The following CACNA1A variants were observed in gnomAD, a reference collection of about 807,000 sequenced individuals.
CACNA1A encodes the protein voltage-dependent P/Q-type calcium channel subunit alpha-1A.
A neutral mutation model predicts 262.4 loss-of-function variants in CACNA1A; 57 were observed. That is an observed-to-expected ratio of 0.22 (90% CI 0.18 to 0.27). CACNA1A has a LOEUF of 0.27. Among genes scored for constraint, CACNA1A ranks in the 10% least tolerant of loss-of-function variants. The pLI is 1.00. For synonymous variants in CACNA1A, 1,431 were observed against 1,419.3 expected (o/e 1.01, Z -0.18); for missense variants, 2,526 against 3,562.8 (o/e 0.71, Z 7.41).
intron 3 of CACNA1A, among the ~76,000 whole-genome samples, chr19:13,409,447 G>T (rs77992431): frequency 6.6e-6 from 1 of 151,946 alleles, no homozygotes; most frequent in Non-Finnish European, 1.5e-5. Flanking sequence ...AAATACGCCA[G>T]GCACTTAGCC....
Position 13,303,882 on chromosome 19 carries a change from G to A in CACNA1A, c.1989C>T (p.Ile663=), listed in dbSNP as rs764413479. Residue 663 remains isoleucine, a splice_region_variant and synonymous_variant, in exon 16 of 47, where the codon ATC becomes ATT. Transcript: ENST00000360228. ...CCTCGTTCCAGTCTTCGCCCGTCAG[G>A]ATCTGAAAGGGGAGGAAGAAACACA... The part of the protein sequence containing the change: ...FPAAIMTVFQ[I]LTGEDWNEVM... 1.6e-5 allele frequency: 25 copies of A among 1,607,268 alleles called. No homozygotes were observed. Among genetic ancestry groups the A allele is most frequent in the Non-Finnish European group, 2.0e-5 (24 of 1,174,642 alleles).
At chr19:13,445,626 G>A (rs912163385) in intron 3 of CACNA1A, among the ~76,000 whole-genome samples, 3 of 152,172 alleles carry the variant, frequency 2.0e-5, no homozygotes, top group African/African-American at 4.8e-5. Flanking sequence ...TAACATGCAC[G>A]ATTTGTGTTA....
intron 6 of CACNA1A, among the ~76,000 whole-genome samples, chr19:13,354,294 G>A (rs2058966559): frequency 6.6e-6 from 1 of 152,218 alleles, no homozygotes; most frequent in African/African-American, 2.4e-5. Flanking sequence ...GGTAAATGGA[G>A]TTGGCTGGCA....
intron 3 of CACNA1A, among the ~76,000 whole-genome samples, chr19:13,395,201 G>C (rs1197823730): frequency 6.9e-6 from 1 of 145,380 alleles, no homozygotes; most frequent in Non-Finnish European, 1.5e-5. Context: ...TTGAACCCAG[G>C]AGGCAGAGGC....
chr19:13,313,247 A>G (rs1029363844), intron 11 of CACNA1A, among the ~76,000 whole-genome samples: 1 of 152,052 alleles, frequency 6.6e-6, no homozygotes, highest in African/African-American at 2.4e-5. Context: ...CACGTCTGTA[A>G]TCCCAGCACT....
At chr19:13,479,160 G>A (rs943393557) in intron 1 of CACNA1A, among the ~76,000 whole-genome samples, 2 of 152,146 alleles carry the variant, frequency 1.3e-5, no homozygotes, top group Non-Finnish European at 2.9e-5. Context: ...GGTAACAAGA[G>A]CAAAACCTCA....
intron 1 of CACNA1A, 144 bp downstream of exon 1, chr19:13,505,788 C>T (rs991933826): frequency 1.3e-6 from 1 of 792,952 alleles, no homozygotes; most frequent in Non-Finnish European, 2.1e-6. Context: ...ACACTCCTCC[C>T]GGTGCCCCCT....
intron 3 of CACNA1A, among the ~76,000 whole-genome samples, chr19:13,375,401 C>T (rs747541600): frequency 3.9e-5 from 6 of 151,982 alleles, no homozygotes; most frequent in Non-Finnish European, 5.9e-5. Context: ...TGTACAATGG[C>T]CTTTAAGTGC....
chr19:13,209,331 G>C lies in CACNA1A; in HGVS notation c.6507C>G (p.Arg2169=), dbSNP rs1390480146. 7.2e-7 allele frequency: 1 copy of C among 1,397,746 alleles called. No homozygotes were observed. Among genetic ancestry groups the C allele is most frequent in the African/African-American group, 1.5e-5 (1 of 67,764 alleles). The allele number at this position is 1,397,746 out of a possible 1,614,324, so 86.6% of individuals were successfully genotyped here. The change falls in exon 45 of 47, where the codon CGC becomes CGG. Residue 2169 remains arginine (R), a synonymous_variant. Coordinates refer to ENST00000360228, the MANE Select transcript of CACNA1A (RefSeq NM_001127222.2). ...GCCCACCTGTGTCCACATCGGTGTA[G>C]CGGCCCAGGGAGCGCTCAGAGGCGC... The part of the protein sequence containing the change: ...SHRASERSLG[R]YTDVDTGLGT...
In CACNA1A at chr19:13,235,024, T is replaced by C; in HGVS notation, c.5146A>G (p.Ile1716Val). The C allele has an allele frequency of 6.2e-7, 1 of 1,612,918 alleles. No individual in the cohort carries two copies. The highest frequency in any genetic ancestry group is 8.5e-7 in the Non-Finnish European group (1 of 1,178,898). Reference protein sequence around the residue: ...AIIGMQVFGNIGIDVEDEDSD... With the variant: ...AIIGMQVFGNVGIDVEDEDSD... The stretch of plus-strand genomic sequence containing the variant: ...TCCTCGTCCTCCACGTCGATGCCAA[T>C]GTTACCAAACACCTGTGGAATTGGA... The change falls in exon 34 of 47, where the codon ATT (isoleucine) becomes GTT (valine). Residue 1716 changes from isoleucine (I) to valine (V), a missense_variant. By Grantham distance (29) the Ile-to-Val change is conservative. Around this residue, in one of 17 missense-constraint regions of CACNA1A, gnomAD observed 66 missense variants for 195.8 expected, o/e 0.34. Transcript: ENST00000360228.
At chr19:13,368,810 G>A (rs1017569680) in intron 4 of CACNA1A, among the ~76,000 whole-genome samples, 2 of 129,510 alleles carry the variant, frequency 1.5e-5, no homozygotes, top group South Asian at 2.1e-4. Flanking sequence ...AGGCCGAGGC[G>A]GGCGGATCAC....
At chr19:13,470,747 C>T (rs575305342) in intron 1 of CACNA1A, among the ~76,000 whole-genome samples, 1 of 152,158 alleles carries the variant, frequency 6.6e-6, no homozygotes, top group African/African-American at 2.4e-5. Flanking sequence ...GCTTGGCCAA[C>T]GGGAGGCACC....
chr19:13,466,712 C>A (rs1294410226), intron 1 of CACNA1A, among the ~76,000 whole-genome samples: 1 of 151,772 alleles, frequency 6.6e-6, no homozygotes, highest in African/African-American at 2.4e-5. Flanking sequence ...TAATCATCAT[C>A]ATCATCATCT....
intron 3 of CACNA1A, among the ~76,000 whole-genome samples, chr19:13,438,733 C>T (rs989533464): frequency 6.6e-6 from 1 of 152,178 alleles, no homozygotes; most frequent in Admixed American, 6.5e-5. Flanking sequence ...TCATTATAAG[C>T]CACTGGGTCT....
At chr19:13,337,014 T>C (rs1487169426) in intron 6 of CACNA1A, among the ~76,000 whole-genome samples, 1 of 152,212 alleles carries the variant, frequency 6.6e-6, no homozygotes, top group Non-Finnish European at 1.5e-5. Flanking sequence ...TTTAAAAGCA[T>C]GTATGACACT....
At chr19:13,269,035 C>T (rs1001717325) in intron 24 of CACNA1A, among the ~76,000 whole-genome samples, 9 of 151,978 alleles carry the variant, frequency 5.9e-5, no homozygotes, top group African/African-American at 1.4e-4. Flanking sequence ...CTTGCTCTGT[C>T]GCCCAGGCTG....
rs368092476 is a variant in CACNA1A at position 13,434,042 on chromosome 19, C to G, written c.539+18834G>C. Among the ~76,000 whole-genome samples the G allele has an allele frequency of 1.8e-4, 28 of 152,314 alleles. No individual in the cohort carries two copies. In the East Asian group the frequency reaches 4.4e-3, roughly 24 times the overall value. On this transcript the variant is annotated intron_variant, in intron 3 of 46. Transcript: ENST00000360228. ...GGGCAAGTCCTCTAGCTTTTCTGAA[C>G]GTCAGTTTTCTCATCTGTAAAATGG... is the stretch of plus-strand genomic sequence containing the variant.
At chr19:13,261,782 G>A in intron 25 of CACNA1A, 172 bp from the exon 26 acceptor site, 3 of 607,460 alleles carry the variant, frequency 4.9e-6, no homozygotes, top group East Asian at 5.6e-5. Context: ...AAGCGTTGGA[G>A]GAGTTGGACT....
chr19:13,334,313 T>C lies in CACNA1A; in HGVS notation c.1198+65A>G, dbSNP rs559897296. ...CCAGCTTAGCCTTCTCCAAACTGCATGACTCTCTTTGTACTCCGTGGCCTG... is the reference window on the plus strand; with the variant it reads ...CCAGCTTAGCCTTCTCCAAACTGCACGACTCTCTTTGTACTCCGTGGCCTG... On this transcript the variant is annotated intron_variant, in intron 8 of 46. Coordinates refer to ENST00000360228, the MANE Select transcript of CACNA1A (RefSeq NM_001127222.2). 24 of 901,262 alleles carry C rather than the reference T, an allele frequency of 2.7e-5. No individual in the cohort carries two copies. The African/African-American group carries it at 3.4e-4, about 13-fold the overall frequency. The allele number at this position is 901,262 out of a possible 1,614,324, so 55.8% of individuals were successfully genotyped here.
Sources: allele counts gnomAD v4.1 joint callset (sites outside exome capture counted in the v4.1 genomes callset), GRCh38; gene constraint gnomAD v4.1.1; regional missense constraint gnomAD v4.1.1; transcripts MANE v1.5; gene names NCBI Gene and HGNC (gene_info 2026-07-23, HGNC 2026-07-21).